Variants in IFT57 observed in about 807,000 individuals in gnomAD.
IFT57 encodes the protein intraflagellar transport protein 57 homolog.
IFT57 carries 59 observed loss-of-function variants against 56.8 expected under a neutral mutation model. The observed-to-expected ratio is 1.04, with a 90% CI of 0.84 to 1.29. The LOEUF (loss-of-function observed/expected upper bound fraction) is 1.29, where lower values mean the gene tolerates loss of function less well. Among genes scored for constraint, IFT57 ranks in the 50% most tolerant of loss-of-function variants. IFT57 has a pLI of 0.00. For synonymous variants in IFT57, 209 were observed against 186.1 expected, an observed-to-expected ratio of 1.12 and a Z score of -1.00; for missense variants, 470 against 522.1, an observed-to-expected ratio of 0.90 and a Z score of 0.97.
chr3:108,194,002 G>A (rs1041336058), intron 5 of IFT57, among the ~76,000 whole-genome samples: 7 of 152,102 alleles, frequency 4.6e-5, no homozygotes, highest in African/African-American at 1.7e-4. Flanking sequence ...ATGTGTGTGG[G>A]TATACACAAA....
chr3:108,167,217 C>G, intron 7 of IFT57: 1 of 430,902 alleles, frequency 2.3e-6, no homozygotes, highest in Non-Finnish European at 4.1e-6. Flanking sequence ...ATTCATTTGT[C>G]ATTATACATA....
intron 6 of IFT57, among the ~76,000 whole-genome samples, chr3:108,187,869 T>C (rs1173976317): frequency 6.6e-6 from 1 of 151,886 alleles, no homozygotes; most frequent in Non-Finnish European, 1.5e-5. Flanking sequence ...ACAGGTAAAA[T>C]CTCTAGATGT....
intron 6 of IFT57, among the ~76,000 whole-genome samples, chr3:108,178,475 A>C (rs894579253): frequency 5.3e-5 from 8 of 151,976 alleles, no homozygotes; most frequent in African/African-American, 1.9e-4. Context: ...ATAATACAAA[A>C]AGGAAAAGGA....
At chr3:108,192,395 C>T (rs1222225634) in intron 5 of IFT57, among the ~76,000 whole-genome samples, 1 of 151,902 alleles carries the variant, frequency 6.6e-6, no homozygotes, top group Non-Finnish European at 1.5e-5. Context: ...GGGAGGGGGC[C>T]AAATTTCTGC....
intron 4 of IFT57, 115 bp downstream of exon 4, chr3:108,213,816 T>C (rs1470403744): frequency 1.5e-6 from 1 of 650,336 alleles, no homozygotes; most frequent in Admixed American, 2.9e-5. Flanking sequence ...AAGCTTTTCT[T>C]CTTTAGAAAC....
chr3:108,187,100 C>T (rs913866652), intron 6 of IFT57, among the ~76,000 whole-genome samples: 3 of 152,182 alleles, frequency 2.0e-5, no homozygotes, highest in South Asian at 2.1e-4. Flanking sequence ...CAAGGGTCAA[C>T]TGTAATTACC....
intron 4 of IFT57, among the ~76,000 whole-genome samples, chr3:108,210,350 T>TTTTTTTTTTTTTTTG (rs2080337183): frequency 6.7e-6 from 1 of 148,370 alleles, no homozygotes; most frequent in African/African-American, 2.5e-5. Context: ...TTTTTTTTTT[T>TTTTTTTTTTTTTTTG]TGAGACAGAG....
intron 4 of IFT57, among the ~76,000 whole-genome samples, chr3:108,208,939 C>T (rs996878329): frequency 2.6e-5 from 4 of 152,114 alleles, no homozygotes; most frequent in Admixed American, 2.6e-4. Context: ...CAACAGAAAA[C>T]TACAACAACC....
At chr3:108,177,177 C>T (rs532876335) in intron 6 of IFT57, among the ~76,000 whole-genome samples, 4 of 151,684 alleles carry the variant, frequency 2.6e-5, no homozygotes, top group Admixed American at 2.0e-4. Context: ...ATTAATAATG[C>T]AATAAAAATG....
At chr3:108,216,504 T>A (rs975559491) in intron 3 of IFT57, among the ~76,000 whole-genome samples, 3 of 152,126 alleles carry the variant, frequency 2.0e-5, no homozygotes, top group Non-Finnish European at 4.4e-5. Flanking sequence ...GGAGAAGGGG[T>A]AACCCTTGAA....
intron 8 of IFT57, among the ~76,000 whole-genome samples, chr3:108,166,037 G>GTAAT (rs2080060789): frequency 6.6e-6 from 1 of 151,974 alleles, no homozygotes; most frequent in African/African-American, 2.4e-5. Context: ...ATATTCATAA[G>GTAAT]TAATTGTGTA....
chr3:108,217,837 T>C (rs146788939), intron 3 of IFT57, among the ~76,000 whole-genome samples: 1 of 151,900 alleles, frequency 6.6e-6, no homozygotes, highest in Non-Finnish European at 1.5e-5. Flanking sequence ...TTTCTAATTA[T>C]AATCTCTATA....
intron 3 of IFT57, among the ~76,000 whole-genome samples, chr3:108,214,681 C>T (rs2080360930): frequency 6.6e-6 from 1 of 152,100 alleles, no homozygotes; most frequent in Non-Finnish European, 1.5e-5. Context: ...CTTGTTTTAA[C>T]TGCATTTCTT....
chr3:108,168,882 T>TTCAG (rs2080076755), intron 6 of IFT57, among the ~76,000 whole-genome samples: 1 of 152,086 alleles, frequency 6.6e-6, no homozygotes, highest in Non-Finnish European at 1.5e-5. Flanking sequence ...ACTTTCTTTA[T>TTCAG]TCAGTCTATC....
In IFT57 at chr3:108,167,859, C is replaced by A; in HGVS notation, c.783G>T (p.Trp261Cys). ...GGTGCATTTGGTCAACATGGATTCT[C>A]CAATCCTACAGGCATAGAGCACATA... Reference protein sequence around the residue: ...KVTIRTDNKDWRIHVDQMHQH... With the variant: ...KVTIRTDNKDCRIHVDQMHQH... Residue 261 changes from tryptophan to cysteine, a missense_variant, in exon 7 of 11, where the codon TGG (tryptophan) becomes TGT (cysteine). Coordinates refer to ENST00000264538, the MANE Select transcript of IFT57 (RefSeq NM_018010.4). 1 of 1,590,932 alleles carries A rather than the reference C, an allele frequency of 6.3e-7. No individual in the cohort carries two copies. The highest frequency in any genetic ancestry group is 1.1e-5 in the South Asian group (1 of 88,052).
intron 5 of IFT57, among the ~76,000 whole-genome samples, chr3:108,199,940 G>A (rs1576043908): frequency 6.6e-6 from 1 of 152,182 alleles, no homozygotes; most frequent in East Asian, 1.9e-4. Flanking sequence ...GGAAAGAGAA[G>A]CATTGGATGG....
At chr3:108,171,768 C>G (rs2080093634) in intron 6 of IFT57, among the ~76,000 whole-genome samples, 1 of 151,704 alleles carries the variant, frequency 6.6e-6, no homozygotes, top group Admixed American at 6.6e-5. Flanking sequence ...GAAAATGAAC[C>G]TAACACGCAT....
intron 5 of IFT57, among the ~76,000 whole-genome samples, chr3:108,195,093 A>C (rs2080236416): frequency 6.6e-6 from 1 of 152,212 alleles, no homozygotes; most frequent in Admixed American, 6.6e-5. Context: ...TAACAATCAG[A>C]ATATATAAGA....
chr3:108,183,810 A>G (rs2080164544), intron 6 of IFT57, among the ~76,000 whole-genome samples: 1 of 152,164 alleles, frequency 6.6e-6, no homozygotes, highest in African/African-American at 2.4e-5. Flanking sequence ...AGCATTAAAT[A>G]TTTCTTTAGC....
Sources: gnomAD v4.1 joint callset for allele counts (sites outside exome capture counted in the v4.1 genomes callset) on GRCh38, gnomAD v4.1.1 for gene constraint, MANE v1.5 for transcripts, NCBI Gene and HGNC (gene_info 2026-07-23, HGNC 2026-07-21) for gene names.